The following KCNJ16 variants were observed in gnomAD, a reference collection of about 807,000 sequenced individuals.
KCNJ16 encodes potassium inwardly rectifying channel subfamily J member 16, also known as inward rectifier potassium channel 16.
KCNJ16 carries 15 observed loss-of-function variants against 18.5 expected under a neutral mutation model. The ratio of observed to expected loss-of-function variants is 0.81; its 90% CI spans 0.54 to 1.25. The LOEUF is 1.25. KCNJ16 is among the 50% of genes most tolerant of loss of function. The probability of loss-of-function intolerance (pLI) is 0.00; values close to 1 mark genes in which losing one functional copy is unlikely to be tolerated. For missense variants in KCNJ16, 523 were observed against 525.7 expected (o/e 0.99, Z 0.05); for synonymous variants, 174 against 186.5 (o/e 0.93, Z 0.55).
rs1555585540 is a variant in KCNJ16 at position 70,092,605 on chromosome 17, A to AGAT, written c.-299-8052_-299-8050dup. ...TAGATAGATAGATAGATAGATAGAT[A>AGAT]GATAGATGAGATTCATAATGAAAAC... On this transcript the variant is annotated intron_variant, in intron 1 of 3. Transcript: ENST00000392671. Among the ~76,000 whole-genome samples the AGAT allele has an allele frequency of 3.3e-4, 48 of 147,566 alleles. 1 individual carries two copies. Among genetic ancestry groups the AGAT allele is most frequent in the African/African-American group, 1.2e-3 (46 of 38,140 alleles).
At chr17:70,102,777 C>T (rs1029803969) in intron 2 of KCNJ16, among the ~76,000 whole-genome samples, 38 of 152,092 alleles carry the variant, frequency 2.5e-4, no homozygotes, top group Non-Finnish European at 4.4e-4. Flanking sequence ...CGTTTTTACT[C>T]GTCCCTAGTC....
At chr17:70,120,754 C>T (rs1158604323) in intron 2 of KCNJ16, among the ~76,000 whole-genome samples, 1 of 152,114 alleles carries the variant, frequency 6.6e-6, no homozygotes, top group Non-Finnish European at 1.5e-5. Flanking sequence ...CTGCATGATC[C>T]AAACCACCTG....
chr17:70,133,155 A>G lies in KCNJ16; in HGVS notation c.1068A>G (p.Ala356=). Reference sequence around the variant, plus strand: ...ACCAGCAGCTCCACATAGAAAAAGCACCACCAGTTCGAGAATCCTGCACGT... The same window carrying G: ...ACCAGCAGCTCCACATAGAAAAAGCGCCACCAGTTCGAGAATCCTGCACGT... ...WKDQQLHIEK[A]PPVRESCTSD... Residue 356 remains alanine, a synonymous_variant, in exon 4 of 4, where the codon GCA becomes GCG. Coordinates refer to ENST00000392671, the MANE Select transcript of KCNJ16 (RefSeq NM_170741.4). 1.2e-6 allele frequency: 2 copies of G among 1,614,184 alleles called. No individual in the cohort carries two copies. Among genetic ancestry groups the G allele is most frequent in the Non-Finnish European group, 1.7e-6 (2 of 1,180,036 alleles).
At chr17:70,129,853 T>C (rs987040556) in intron 2 of KCNJ16, among the ~76,000 whole-genome samples, 1 of 152,192 alleles carries the variant, frequency 6.6e-6, no homozygotes, top group Non-Finnish European at 1.5e-5. Flanking sequence ...CTGGTACCCC[T>C]GGAATTCAAA....
Position 70,132,855 on chromosome 17 carries a change from A to C in KCNJ16, c.768A>C (p.Glu256Asp), listed in dbSNP as rs757752995. The C allele has an allele frequency of 3.1e-6, 5 of 1,614,086 alleles. No individual in the cohort carries two copies. The South Asian group carries it at 5.5e-5, about 18-fold the overall frequency. The change falls in exon 4 of 4, where the codon GAA becomes GAC. Residue 256 changes from glutamate to aspartate, a missense_variant. Coordinates refer to ENST00000392671, the MANE Select transcript of KCNJ16 (RefSeq NM_170741.4). ...ILVTPVTIVH[E>D]IDHESPLYAL... ...TCACCCCGGTAACTATTGTCCATGA[A>C]ATTGACCATGAGAGCCCTCTGTATG... is the stretch of plus-strand genomic sequence containing the variant.
At position 70,096,227 on chromosome 17, in the gene KCNJ16, TTG is replaced by T. The variant is rs1367945413; in HGVS notation, c.-299-4428_-299-4427del. ...TCCATTTCAGCAAAAGCCTCACTGC[TTG>T]TGAGTGTCCTGCATACAGTCTGATT... is the stretch of plus-strand genomic sequence containing the variant. On this transcript the variant is annotated intron_variant, in intron 1 of 3. Transcript: ENST00000392671. 3.3e-5 allele frequency among the ~76,000 whole-genome samples: 5 copies of T among 152,246 alleles called. No homozygotes were observed. The East Asian group carries it at 7.8e-4, about 24-fold the overall frequency.
At position 70,132,446 on chromosome 17, in the gene KCNJ16, G is replaced by C. The variant is rs146289278; in HGVS notation, c.359G>C (p.Gly120Ala). ...GTTGACAACGTCCATTCTTTCACAG[G>C]GGCCTTTTTGTTCTCCCTAGAGACC... Reference protein sequence around the residue: ...PCVDNVHSFTGAFLFSLETQT... With the variant: ...PCVDNVHSFTAAFLFSLETQT... Residue 120 changes from glycine (G) to alanine (A), a missense_variant, in exon 4 of 4, where the codon GGG becomes GCG. Coordinates refer to ENST00000392671, the MANE Select transcript of KCNJ16 (RefSeq NM_170741.4). 31 of 1,614,020 alleles carry C rather than the reference G, an allele frequency of 1.9e-5. No homozygotes were observed. In the Admixed American group the frequency reaches 4.3e-4, roughly 23 times the overall value.
intron 1 of KCNJ16, among the ~76,000 whole-genome samples, chr17:70,079,122 G>T (rs1479739253): frequency 6.6e-6 from 1 of 152,164 alleles, no homozygotes; most frequent in Non-Finnish European, 1.5e-5. Context: ...TGGCTCAAGC[G>T]ATTATGGTGG....
chr17:70,116,028 T>C (rs1326199053), intron 2 of KCNJ16, among the ~76,000 whole-genome samples: 1 of 152,158 alleles, frequency 6.6e-6, no homozygotes, highest in Non-Finnish European at 1.5e-5. Flanking sequence ...AAAACACCTT[T>C]TTTCTTTCTG....
intron 1 of KCNJ16, among the ~76,000 whole-genome samples, chr17:70,083,292 C>G (rs1357603255): frequency 6.7e-6 from 1 of 148,790 alleles, no homozygotes; most frequent in Non-Finnish European, 1.5e-5. Flanking sequence ...TAATACATAT[C>G]TATATGATAT....
In KCNJ16 at chr17:70,133,259, C is replaced by A. The variant is rs867040364; in HGVS notation, c.1172C>A (p.Thr391Asn). The A allele has an allele frequency of 6.2e-7, 1 of 1,614,144 alleles. No homozygotes were observed. ...SSCENPEETT[T>N]SATHEYRETP... ...TGTGAAAACCCTGAGGAGACCACCA[C>A]TTCCGCCACACATGAATATAGGGAA... Residue 391 changes from threonine to asparagine, a missense_variant, in exon 4 of 4, where the codon ACT (threonine) becomes AAT (asparagine). Transcript: ENST00000392671.
At chr17:70,116,776 T>C (rs961695299) in intron 2 of KCNJ16, among the ~76,000 whole-genome samples, 2 of 152,176 alleles carry the variant, frequency 1.3e-5, no homozygotes, top group South Asian at 4.1e-4. Context: ...CCAGTGAGAA[T>C]AGCCATTATT....
At chr17:70,130,763 C>T (rs536541373) in intron 2 of KCNJ16, 116 bp from the exon 3 acceptor site, 12 of 582,442 alleles carry the variant, frequency 2.1e-5, no homozygotes, top group South Asian at 4.5e-5. Flanking sequence ...TAAAGTCCCC[C>T]GTTATAATCC....
chr17:70,087,126 T>C (rs1291959693), intron 1 of KCNJ16, among the ~76,000 whole-genome samples: 1 of 151,816 alleles, frequency 6.6e-6, no homozygotes, highest in African/African-American at 2.4e-5. Context: ...CAGGCTGGTT[T>C]TGAACTCCCA....
chr17:70,116,903 C>G (rs1217350146), intron 2 of KCNJ16, among the ~76,000 whole-genome samples: 1 of 152,132 alleles, frequency 6.6e-6, no homozygotes, highest in Admixed American at 6.6e-5. Flanking sequence ...GGAGATTTCT[C>G]AAAGAACTTA....
chr17:70,110,391 T>C (rs2073134792), intron 2 of KCNJ16, among the ~76,000 whole-genome samples: 1 of 152,036 alleles, frequency 6.6e-6, no homozygotes, highest in Non-Finnish European at 1.5e-5. Context: ...TCACAGTGAT[T>C]TCACAGACAA....
chr17:70,107,803 G>A (rs999085348), intron 2 of KCNJ16, among the ~76,000 whole-genome samples: 1 of 152,036 alleles, frequency 6.6e-6, no homozygotes, highest in African/African-American at 2.4e-5. Context: ...TCATAAAATT[G>A]GAGTGCTATT....
At chr17:70,110,205 C>T (rs964145240) in intron 2 of KCNJ16, among the ~76,000 whole-genome samples, 1 of 152,246 alleles carries the variant, frequency 6.6e-6, no homozygotes, top group Admixed American at 6.5e-5. Flanking sequence ...TGCAGGGCTG[C>T]CACTGACATA....
intron 2 of KCNJ16, among the ~76,000 whole-genome samples, chr17:70,124,432 A>G (rs1285024076): frequency 1.3e-5 from 2 of 152,222 alleles, no homozygotes. Flanking sequence ...TTTAAAAAAA[A>G]ACTGAATGAA....
Sources: gnomAD v4.1 joint callset for allele counts (sites outside exome capture counted in the v4.1 genomes callset) on GRCh38, gnomAD v4.1.1 for gene constraint, MANE v1.5 for transcripts, NCBI Gene and HGNC (gene_info 2026-07-23, HGNC 2026-07-21) for gene names.